GATAD2A: variants seen among roughly 807,000 people sequenced by gnomAD.
GATAD2A encodes the protein GATA zinc finger domain containing 2A, also known as transcriptional repressor p66-alpha.
A neutral mutation model predicts 68.5 loss-of-function variants in GATAD2A; 12 were observed. The observed-to-expected ratio is 0.18, with a 90% CI of 0.11 to 0.28. GATAD2A has a LOEUF of 0.28. Among genes scored for constraint, GATAD2A ranks in the 10% least tolerant of loss-of-function variants. The pLI, the probability that GATAD2A is intolerant of heterozygous loss-of-function variation, is 1.00. For missense variants in GATAD2A, 755 were observed against 868.5 expected (o/e 0.87, Z 1.64); for synonymous variants, 410 against 375.3 (o/e 1.09, Z -1.07).
At position 19,506,010 on chromosome 19, in the gene GATAD2A, T is replaced by C. The variant is rs1600324900; in HGVS notation, c.*536T>C. ...TTTAATCACCTCATGATGATGGAGT[T>C]AAAAGTAAACCGTGCAGACCCTGGG... is the stretch of plus-strand genomic sequence containing the variant. On this transcript the variant is annotated 3_prime_UTR_variant, in exon 12 of 12. Coordinates refer to ENST00000683918, the MANE Select transcript of GATAD2A (RefSeq NM_001384528.1). The C allele has an allele frequency of 7.5e-6, 3 of 398,868 alleles. No individual in the cohort carries two copies. The East Asian group carries it at 1.1e-4, about 14-fold the overall frequency. The allele number at this position is 398,868 out of a possible 1,614,324, so 24.7% of individuals were successfully genotyped here.
intron 1 of GATAD2A, among the ~76,000 whole-genome samples, chr19:19,438,205 T>C (rs2054590721): frequency 6.6e-6 from 1 of 152,230 alleles, no homozygotes. Flanking sequence ...AGGGTAGGAC[T>C]AGGGACTCAG....
chr19:19,430,412 G>A (rs2053593862), intron 1 of GATAD2A, among the ~76,000 whole-genome samples: 1 of 152,334 alleles, frequency 6.6e-6, no homozygotes, highest in Non-Finnish European at 1.5e-5. Context: ...ACCCTGTGAA[G>A]GGGGCATTCA....
At chr19:19,447,843 T>C (rs1357225603) in intron 1 of GATAD2A, among the ~76,000 whole-genome samples, 1 of 152,218 alleles carries the variant, frequency 6.6e-6, no homozygotes, top group Non-Finnish European at 1.5e-5. Context: ...GTTCCCTCAC[T>C]TTCCACTTGA....
intron 1 of GATAD2A, among the ~76,000 whole-genome samples, chr19:19,439,417 G>T (rs1240209918): frequency 6.6e-6 from 1 of 152,204 alleles, no homozygotes; most frequent in South Asian, 2.1e-4. Flanking sequence ...AATCCTGCAC[G>T]TTGGAGCACC....
intron 1 of GATAD2A, among the ~76,000 whole-genome samples, chr19:19,388,549 C>G (rs990671592): frequency 2.0e-5 from 3 of 152,000 alleles, no homozygotes; most frequent in African/African-American, 7.3e-5. Context: ...TCATGTCCCT[C>G]TAAGACCTGC....
chr19:19,470,025 A>G (rs1304721828), intron 2 of GATAD2A, among the ~76,000 whole-genome samples: 4 of 152,186 alleles, frequency 2.6e-5, no homozygotes, highest in Admixed American at 2.0e-4. Flanking sequence ...AAGGAATAAT[A>G]CAAAAGGATG....
chr19:19,493,653 C>T (rs1254333276), intron 4 of GATAD2A, among the ~76,000 whole-genome samples: 2 of 152,150 alleles, frequency 1.3e-5, no homozygotes, highest in African/African-American at 4.8e-5. Flanking sequence ...GTGTTCTGGG[C>T]AGCAGGAGCT....
intron 1 of GATAD2A, among the ~76,000 whole-genome samples, chr19:19,453,207 GGGCTTT>G (rs1739747734): frequency 6.6e-6 from 1 of 152,198 alleles, no homozygotes; most frequent in South Asian, 2.1e-4. Flanking sequence ...CTTTTCCTTA[GGGCTTT>G]GGTGTGATTC....
Position 19,505,512 on chromosome 19 carries a change from C to G in GATAD2A, c.*38C>G. 6.5e-7 allele frequency: 1 copy of G among 1,534,064 alleles called. No individual in the cohort carries two copies. The highest frequency in any genetic ancestry group is 2.4e-5 in the East Asian group (1 of 41,196). ...CCCGTGGAAGACGGGCTCCCTCCTC[C>G]CCCACCTGGCCCCTGGTCTAGAAGG... On this transcript the variant is annotated 3_prime_UTR_variant, in exon 12 of 12. Transcript: ENST00000683918.
chr19:19,493,716 CCTGCCCCCA>C (rs1165246800), intron 4 of GATAD2A, among the ~76,000 whole-genome samples: 5 of 151,926 alleles, frequency 3.3e-5, no homozygotes, highest in East Asian at 1.9e-4. Context: ...TTTTTGAAAC[CCTGCCCCCA>C]CTGCCCCCGC....
At chr19:19,481,340 C>T (rs971554555) in intron 2 of GATAD2A, among the ~76,000 whole-genome samples, 1 of 152,084 alleles carries the variant, frequency 6.6e-6, no homozygotes, top group Non-Finnish European at 1.5e-5. Context: ...TGTTTCTTTC[C>T]TTTTTTAAAA....
At chr19:19,442,958 A>C (rs965393265) in intron 1 of GATAD2A, among the ~76,000 whole-genome samples, 10 of 152,014 alleles carry the variant, frequency 6.6e-5, no homozygotes, top group Non-Finnish European at 1.5e-5. Flanking sequence ...AGTGTGGGCG[A>C]GGGCAAGGTT....
intron 1 of GATAD2A, chr19:19,458,481 A>T (rs1448300804): frequency 2.0e-5 from 3 of 152,190 alleles, no homozygotes; most frequent in Non-Finnish European, 4.4e-5. Flanking sequence ...TACCAAGCCC[A>T]TACTGTTTGC....
At chr19:19,429,628 C>G (rs1255763396) in intron 1 of GATAD2A, among the ~76,000 whole-genome samples, 2 of 151,640 alleles carry the variant, frequency 1.3e-5, no homozygotes, top group South Asian at 2.1e-4. Flanking sequence ...CCCTGCCTGT[C>G]TCCTCCTTCA....
chr19:19,436,676 G>A (rs879024564), intron 1 of GATAD2A, among the ~76,000 whole-genome samples: 2 of 152,228 alleles, frequency 1.3e-5, no homozygotes, highest in Admixed American at 6.5e-5. Context: ...AGCTGCCCCC[G>A]CTGCGTGGAG....
At chr19:19,400,352 T>C (rs1247029150) in intron 1 of GATAD2A, among the ~76,000 whole-genome samples, 1 of 152,120 alleles carries the variant, frequency 6.6e-6, no homozygotes, top group Non-Finnish European at 1.5e-5. Context: ...GTGTAACGAA[T>C]TGTGGTTAGA....
At chr19:19,388,231 A>G (rs2048591421) in intron 1 of GATAD2A, among the ~76,000 whole-genome samples, 1 of 151,586 alleles carries the variant, frequency 6.6e-6, no homozygotes, top group Non-Finnish European at 1.5e-5. Flanking sequence ...CTAATTTTGT[A>G]TTTTTAGTAG....
rs557894510 is a variant in GATAD2A, at chr19:19,451,983, C to T, written c.-6-13357C>T. Among the ~76,000 whole-genome samples, 9 of 152,266 alleles carry T rather than the reference C, an allele frequency of 5.9e-5. No homozygotes were observed. In the South Asian group the frequency reaches 6.2e-4, roughly 11 times the overall value. On this transcript the variant is annotated intron_variant, in intron 1 of 11. Coordinates refer to ENST00000683918, the MANE Select transcript of GATAD2A (RefSeq NM_001384528.1). The stretch of plus-strand genomic sequence containing the variant: ...CCTCCCAAAGTGCTGGGATTATAGG[C>T]GTGAGCCACTGCTCCTGGCCAGAAA...
upstream of GATAD2A, among the ~76,000 whole-genome samples, chr19:19,403,749 A>T (rs973814298): frequency 6.6e-5 from 10 of 152,220 alleles, no homozygotes; most frequent in Non-Finnish European, 1.0e-4. Flanking sequence ...GTTTGCTTGT[A>T]TTGCTTTAAT....
Sources: gnomAD v4.1 joint callset for allele counts (sites outside exome capture counted in the v4.1 genomes callset) on GRCh38, gnomAD v4.1.1 for gene constraint, MANE v1.5 for transcripts, NCBI Gene and HGNC (gene_info 2026-07-23, HGNC 2026-07-21) for gene names.